HSPG2: variants seen among roughly 807,000 people sequenced by gnomAD.
HSPG2 encodes the protein heparan sulfate proteoglycan 2.
HSPG2 carries 278 observed loss-of-function variants against 526.6 expected under a neutral mutation model. The observed-to-expected ratio is 0.53, with a 90% CI of 0.48 to 0.58. The LOEUF (loss-of-function observed/expected upper bound fraction) is 0.58. Ranked by LOEUF, HSPG2 falls within the 20% of genes least tolerant of loss-of-function variation. The pLI is 0.00. For synonymous variants in HSPG2, 2,465 were observed against 2,555.4 expected (o/e 0.96, Z 1.07); for missense variants, 5,354 against 6,099.5 (o/e 0.88, Z 4.07).
chr1:21,910,264 G>GT (rs1170942301), intron 1 of HSPG2, among the ~76,000 whole-genome samples: 1 of 152,186 alleles, frequency 6.6e-6, no homozygotes, highest in Non-Finnish European at 1.5e-5. Context: ...CTTGCCCTCC[G>GT]TAAGACCTTC....
rs1460178677 is a variant in HSPG2, at chr1:21,863,078, A to C, written c.4741-963T>G. ...TCCATCTCAAAAAAAAAAAAAAAAA[A>C]AAAAAAAAAAGAGGCTGGGTGTGGT... On this transcript the variant is annotated intron_variant, in intron 37 of 96. Transcript: ENST00000374695. Among the ~76,000 whole-genome samples, 293 of 143,446 alleles carry C rather than the reference A, an allele frequency of 2.0e-3. 6 individuals are homozygous for C. Among genetic ancestry groups the C allele is most frequent in the African/African-American group, 7.3e-3 (277 of 37,808 alleles). 94.1% of individuals were successfully genotyped at this position (143,446 alleles called of 152,430 possible).
rs745592532 is a variant in HSPG2, at chr1:21,881,397, C to G, written c.1760G>C (p.Arg587Pro). The change falls in exon 14 of 97, where the codon CGC becomes CCC. Residue 587 changes from arginine (R) to proline (P), a missense_variant. By Grantham distance (103) the Arg-to-Pro change is moderately radical. Transcript: ENST00000374695. The part of the protein sequence containing the change: ...LHEFQLVDLS[R>P]RFLVHDSFWA... ...GAAGGAGTCGTGGACGAGGAAGCGG[C>G]GGGACAGGTCGACTAGCTGGAACTC... The G allele has an allele frequency of 8.1e-6, 13 of 1,614,120 alleles. No individual in the cohort carries two copies. The highest frequency in any genetic ancestry group is 1.1e-5 in the Non-Finnish European group (13 of 1,180,022).
At chr1:21,878,100 T>A in intron 21 of HSPG2, 86 bp downstream of exon 21, 1 of 1,252,760 alleles carries the variant, frequency 8.0e-7, no homozygotes, top group Non-Finnish European at 1.1e-6. Flanking sequence ...CAAGGATCTA[T>A]GGAGAGGACG....
chr1:21,857,584 C>T (rs898205376), intron 42 of HSPG2, among the ~76,000 whole-genome samples, 199 bp from the exon 43 acceptor site: 4 of 152,118 alleles, frequency 2.6e-5, no homozygotes, highest in African/African-American at 4.8e-5. Context: ...AGAGTGGCCA[C>T]AGGATGTGGT....
In HSPG2 at chr1:21,878,965, A is replaced by C. The variant is rs768135386; in HGVS notation, c.2471+29T>G. 32 of 1,600,764 alleles carry C rather than the reference A, an allele frequency of 2.0e-5. No individual in the cohort carries two copies. In the East Asian group the frequency reaches 3.1e-4, roughly 16 times the overall value. On this transcript the variant is annotated intron_variant, in intron 18 of 96. Transcript: ENST00000374695. ...GGCCTGTTGCACTGTCCCCAGCCAAACCCCCCCTGACCCGGAGCTGGGGCT... is the reference window on the plus strand; with the variant it reads ...GGCCTGTTGCACTGTCCCCAGCCAACCCCCCCCTGACCCGGAGCTGGGGCT...
chr1:21,876,507 G>T lies in HSPG2; in HGVS notation c.2826+5C>A. 6.2e-7 allele frequency: 1 copy of T among 1,614,142 alleles called. No homozygotes were observed. The highest frequency in any genetic ancestry group is 8.5e-7 in the Non-Finnish European group (1 of 1,180,010). On this transcript the variant is annotated splice_donor_5th_base_variant and intron_variant, in intron 22 of 96. Transcript: ENST00000374695. Reference sequence around the variant, plus strand: ...CGGTCCTGCCCGCCCACCTTGCAGAGGTACCTGGGCACGGCTCCATGAAGA... The same window carrying T: ...CGGTCCTGCCCGCCCACCTTGCAGATGTACCTGGGCACGGCTCCATGAAGA...
At chr1:21,907,829 T>C (rs1470700135) in intron 1 of HSPG2, among the ~76,000 whole-genome samples, 2 of 152,200 alleles carry the variant, frequency 1.3e-5, no homozygotes, top group East Asian at 3.8e-4. Context: ...TCCACCTCTT[T>C]CCTTTCTATA....
intron 1 of HSPG2, among the ~76,000 whole-genome samples, chr1:21,923,923 G>T: frequency 6.6e-6 from 1 of 152,290 alleles, no homozygotes; most frequent in East Asian, 1.9e-4. Context: ...TTGGGATCAC[G>T]TAAGAGTTTA....
rs750846243 is a variant in HSPG2, at chr1:21,824,528, C to T, written c.12744+9G>A. 2 of 1,613,130 alleles carry T rather than the reference C, an allele frequency of 1.2e-6. No homozygotes were observed. Among genetic ancestry groups the T allele is most frequent in the South Asian group, 2.2e-5 (2 of 91,056 alleles). ...AGCCCCAAGAGCCCAGCCGGATACC[C>T]ACACTCACCACACCCTGCCAGAGCA... is the stretch of plus-strand genomic sequence containing the variant. On this transcript the variant is annotated intron_variant, in intron 93 of 96. Transcript: ENST00000374695. The surrounding 1 kb of genome is among the most constrained non-coding windows in gnomAD (Gnocchi z 5.9).
chr1:21,853,798 AT>A (rs992200405), intron 50 of HSPG2: 2 of 214,654 alleles, frequency 9.3e-6, no homozygotes, highest in African/African-American at 4.8e-5. Context: ...AAATAAAATA[AT>A]AAAAAAACCA....
chr1:21,848,702 G>C lies in HSPG2; in HGVS notation c.7678C>G (p.Gln2560Glu). ...TACCAGGTGATGGTGTGGGGAGCCT[G>C]GCTGGCAACCAGGCAGTTGAGGTCC... ...TLDLNCLVAS[Q>E]APHTITWYKR... The change falls in exon 59 of 97, where the codon CAG becomes GAG. Residue 2560 changes from glutamine to glutamate, a missense_variant. Gln to Glu is a conservative substitution (Grantham distance 29). Transcript: ENST00000374695. This position sits in a 1 kb window ranked among gnomAD's most constrained non-coding sequence, Gnocchi z 4.9. 1 of 1,613,956 alleles carries C rather than the reference G, an allele frequency of 6.2e-7. No individual in the cohort carries two copies. Among genetic ancestry groups the C allele is most frequent in the South Asian group, 1.1e-5 (1 of 91,070 alleles).
intron 17 of HSPG2, among the ~76,000 whole-genome samples, chr1:21,879,389 G>A (rs1641333313): frequency 6.6e-6 from 1 of 152,204 alleles, no homozygotes; most frequent in Non-Finnish European, 1.5e-5. Flanking sequence ...GGCCAGTTCT[G>A]CTCTCCAGAG....
rs748997723 is a variant in HSPG2 at position 21,861,817 on chromosome 1, C to G, written c.4895G>C (p.Gly1632Ala). ...NMFSRTCESL[G>A]AGGYRCTACE... ...GGCCGTGCAGCGGTACCCGCCGGCT[C>G]CCAGGCTCTCACAGGTGCGGGAAAA... The change falls in exon 39 of 97, where the codon GGA becomes GCA. Residue 1632 changes from glycine to alanine, a missense_variant. Physicochemically the swap from Gly to Ala is moderately conservative, Grantham distance 60. Transcript: ENST00000374695. The G allele has an allele frequency of 1.9e-6, 3 of 1,613,650 alleles. No individual in the cohort carries two copies. The highest frequency in any genetic ancestry group is 2.5e-6 in the Non-Finnish European group (3 of 1,180,014).
At chr1:21,860,372 ACCAGACAGGCCC>A in intron 39 of HSPG2, 137 bp from the exon 40 acceptor site, 1 of 729,614 alleles carries the variant, frequency 1.4e-6, no homozygotes, top group Non-Finnish European at 2.4e-6. Context: ...CACTTTGGGG[ACCAGACAGGCCC>A]CAACGCAGGG....
In HSPG2 at chr1:21,865,227, C is replaced by A; in HGVS notation, c.4395+58G>T. The A allele has an allele frequency of 6.4e-7, 1 of 1,570,876 alleles. No individual in the cohort carries two copies. The highest frequency in any genetic ancestry group is 8.8e-7 in the Non-Finnish European group (1 of 1,140,784). On this transcript the variant is annotated intron_variant, in intron 35 of 96. Coordinates refer to ENST00000374695, the MANE Select transcript of HSPG2 (RefSeq NM_005529.7). The surrounding 1 kb of genome is among the most constrained non-coding windows in gnomAD (Gnocchi z 5.4). ...ACAGGGTGGGTATCAAAGCCAGGCTCTGAGTCAGGGTGGAGGGTGGGGTGG... is the reference window on the plus strand; with the variant it reads ...ACAGGGTGGGTATCAAAGCCAGGCTATGAGTCAGGGTGGAGGGTGGGGTGG...
At chr1:21,832,847 C>T (rs531551582) in intron 80 of HSPG2, 6 of 590,014 alleles carry the variant, frequency 1.0e-5, no homozygotes, top group African/African-American at 9.3e-5. Context: ...GAGTCTCCCT[C>T]AAGGGGGAGA....
At chr1:21,905,650 G>A (rs1002346601) in intron 1 of HSPG2, among the ~76,000 whole-genome samples, 1 of 152,240 alleles carries the variant, frequency 6.6e-6, no homozygotes, top group Non-Finnish European at 1.5e-5. Flanking sequence ...GCTGAGGCAG[G>A]AGAATCACTT....
At chr1:21,934,629 T>C (rs1644435374) in intron 1 of HSPG2, among the ~76,000 whole-genome samples, 7 of 151,368 alleles carry the variant, frequency 4.6e-5, no homozygotes, top group Admixed American at 4.6e-4. Flanking sequence ...AGAGTCTTGC[T>C]CTGTCGCCCA....
In HSPG2 at chr1:21,880,845, C is replaced by G. The variant is rs1442229596; in HGVS notation, c.1819-10G>C. The G allele has an allele frequency of 3.2e-6, 5 of 1,584,254 alleles. No homozygotes were observed. The highest frequency in any genetic ancestry group is 1.8e-5 in the Admixed American group (1 of 55,966). On this transcript the variant is annotated splice_polypyrimidine_tract_variant and intron_variant, in intron 14 of 96. Transcript: ENST00000374695. Reference sequence around the variant, plus strand: ...CGCCATAGGAGTCCACCTGGCACAACAGGGTGGATCAGCACGGGCAGCTGT... The same window carrying G: ...CGCCATAGGAGTCCACCTGGCACAAGAGGGTGGATCAGCACGGGCAGCTGT...
Sources: allele counts gnomAD v4.1 joint callset (sites outside exome capture counted in the v4.1 genomes callset), GRCh38; gene constraint gnomAD v4.1.1; non-coding constraint Gnocchi (gnomAD v3.1); transcripts MANE v1.5; gene names NCBI Gene and HGNC (gene_info 2026-07-23, HGNC 2026-07-21).